The following ZNF503 variants were observed in gnomAD, a reference collection of about 807,000 sequenced individuals.
ZNF503 encodes NocA-like zinc finger 2.
ZNF503 carries 15 observed loss-of-function variants against 34.4 expected under a neutral mutation model. The ratio of observed to expected loss-of-function variants is 0.44; its 90% confidence interval spans 0.29 to 0.67. The LOEUF is 0.67. Ranked by LOEUF, ZNF503 falls within the 30% of genes least tolerant of loss-of-function variation. The pLI is 0.13. For missense variants in ZNF503, 1,007 were observed against 926.8 expected (o/e 1.09, Z -1.12); for synonymous variants, 580 against 456.8 (o/e 1.27, Z -3.44).
the ZNF503 span, among the ~76,000 whole-genome samples, chr10:75,326,641 A>G: frequency 6.7e-6 from 1 of 149,726 alleles, no homozygotes; most frequent in Non-Finnish European, 1.5e-5. Context: ...TAAAATGTTT[A>G]TTGTTTTATT....
At chr10:75,288,887 C>T in the ZNF503 span, among the ~76,000 whole-genome samples, 1 of 152,134 alleles carries the variant, frequency 6.6e-6, no homozygotes, top group Admixed American at 6.5e-5. Flanking sequence ...TTTCTGTGGT[C>T]TGCCTGCACC....
Position 75,400,078 on chromosome 10 carries a change from A to ACCCCCGCCGCCG in ZNF503, c.600_611dup (p.Gly201_Gly204dup), listed in dbSNP as rs781595571. 48 of 1,538,148 alleles carry ACCCCCGCCGCCG rather than the reference A, an allele frequency of 3.1e-5. No homozygotes were observed. The highest frequency in any genetic ancestry group is 4.3e-4 in the Middle Eastern group (2 of 4,648). ...GGAATCCCGACTTCTCCGACGAAAC[A>ACCCCCGCCGCCG]CCCCCGCCGCCGCCCCCGCCACCGC... On this transcript the variant is annotated inframe_insertion, in exon 2 of 2. Coordinates refer to ENST00000372524, the MANE Select transcript of ZNF503 (RefSeq NM_032772.6).
At position 75,401,129 on chromosome 10, in the gene ZNF503, A is replaced by C; in HGVS notation, c.291T>G (p.Pro97=). 1.2e-6 allele frequency: 2 copies of C among 1,613,300 alleles called. No individual in the cohort carries two copies. The highest frequency in any genetic ancestry group is 1.7e-6 in the Non-Finnish European group (2 of 1,179,696). The change falls in exon 1 of 2, where the codon CCT becomes CCG. Residue 97 remains proline, a synonymous_variant. Coordinates refer to ENST00000372524, the MANE Select transcript of ZNF503 (RefSeq NM_032772.6). ...ILHPEYLQPL[P]STPVSPIELD... ...CCTCGATGGGGCTGACCGGCGTGGA[A>C]GGCAGGGGCTGCAGGTACTCGGGGT...
In ZNF503 at chr10:75,399,195, G is replaced by C. The variant is rs149554773; in HGVS notation, c.1495C>G (p.Pro499Ala). The C allele has an allele frequency of 2.2e-5, 35 of 1,602,164 alleles. No homozygotes were observed. The highest frequency in any genetic ancestry group is 8.5e-6 in the Non-Finnish European group (10 of 1,172,874). The change falls in exon 2 of 2, where the codon CCC becomes GCC. Residue 499 changes from proline (P) to alanine (A), a missense_variant. Coordinates refer to ENST00000372524, the MANE Select transcript of ZNF503 (RefSeq NM_032772.6). ...GATPPSLAGH[P>A]LYPYGFMLPN... ...AGCATAAAGCCGTAGGGGTAGAGGG[G>C]GTGGCCGGCCAGGGAGGGCGGTGTG... is the stretch of plus-strand genomic sequence containing the variant.
At chr10:75,380,274 C>T in the ZNF503 span, among the ~76,000 whole-genome samples, 74 of 152,178 alleles carry the variant, frequency 4.9e-4, 1 homozygote, top group South Asian at 8.3e-4. Context: ...CTTCCAGGTC[C>T]CGTTCTCCCC....
At chr10:75,377,852 AG>A in the ZNF503 span, among the ~76,000 whole-genome samples, 1 of 152,128 alleles carries the variant, frequency 6.6e-6, no homozygotes, top group Non-Finnish European at 1.5e-5. Flanking sequence ...AAAGAAAAGG[AG>A]TTTTATTGGC....
the ZNF503 span, among the ~76,000 whole-genome samples, chr10:75,317,444 ATT>A: frequency 5.7e-5 from 8 of 140,304 alleles, no homozygotes; most frequent in Admixed American, 7.1e-5. Flanking sequence ...CACCTGGCTA[ATT>A]TTTTTTTTTT....
chr10:75,400,394 G>C lies in ZNF503; in HGVS notation c.316-20C>G, dbSNP rs541005429. 8.8e-6 allele frequency: 14 copies of C among 1,590,632 alleles called. No homozygotes were observed. The highest frequency in any genetic ancestry group is 4.5e-5 in the East Asian group (2 of 44,594). On this transcript the variant is annotated intron_variant, in intron 1 of 1. Transcript: ENST00000372524. ...ATCGAGCTGCGGGGTCAGACGATGG[G>C]GGGGGAGCGTCACACAGAGAAAGAA...
At chr10:75,396,144 G>C (rs1487494171), downstream of ZNF503, among the ~76,000 whole-genome samples, 3 of 152,168 alleles carry the variant, frequency 2.0e-5, no homozygotes, top group East Asian at 5.8e-4. This position sits in a 1 kb window ranked among gnomAD's most constrained non-coding sequence, Gnocchi z 4.4. Flanking sequence ...CCTCCCACCT[G>C]CAGGGCGGGG....
chr10:75,290,356 G>T, the ZNF503 span, among the ~76,000 whole-genome samples: 1 of 152,222 alleles, frequency 6.6e-6, no homozygotes, highest in Non-Finnish European at 1.5e-5. Context: ...TGGCTGGGCT[G>T]TGGGTCAGAT....
At chr10:75,392,675 A>AT in the ZNF503 span, among the ~76,000 whole-genome samples, 2 of 152,152 alleles carry the variant, frequency 1.3e-5, no homozygotes, top group African/African-American at 4.8e-5. Context: ...ATGAACCATG[A>AT]TTACAGGCAC....
At chr10:75,329,424 TTCC>T in the ZNF503 span, among the ~76,000 whole-genome samples, 4 of 102,300 alleles carry the variant, frequency 3.9e-5, no homozygotes, top group East Asian at 5.0e-4. Context: ...CTTTCCTTCC[TTCC>T]TTCCTTCCTT....
At chr10:75,334,509 G>A in the ZNF503 span, among the ~76,000 whole-genome samples, 1 of 152,300 alleles carries the variant, frequency 6.6e-6, no homozygotes, top group Admixed American at 6.5e-5. Context: ...TTATAGTGCA[G>A]ATTTGAGGCT....
At chr10:75,380,187 C>T in the ZNF503 span, among the ~76,000 whole-genome samples, 5 of 152,162 alleles carry the variant, frequency 3.3e-5, no homozygotes, top group Admixed American at 1.3e-4. Flanking sequence ...TGGAAGACTG[C>T]GGAGGCAGAT....
At chr10:75,373,845 T>G in the ZNF503 span, among the ~76,000 whole-genome samples, 10 of 152,224 alleles carry the variant, frequency 6.6e-5, no homozygotes, top group Admixed American at 1.3e-4. Flanking sequence ...CAGAGTTTCC[T>G]GCCCATCTCC....
chr10:75,340,471 A>AG, the ZNF503 span, among the ~76,000 whole-genome samples: 1 of 152,354 alleles, frequency 6.6e-6, no homozygotes, highest in East Asian at 1.9e-4. Context: ...GATATCCATG[A>AG]TAGTTTTGTT....
rs189219189 is a variant in ZNF503 at position 75,400,124 on chromosome 10, C to G, written c.566G>C (p.Gly189Ala). The G allele has an allele frequency of 7.3e-4, 1,133 of 1,549,532 alleles. 5 individuals are homozygous for G. In the African/African-American group the frequency reaches 0.012, roughly 17 times the overall value. The change falls in exon 2 of 2, where the codon GGA (glycine) becomes GCA (alanine). Residue 189 changes from glycine (G) to alanine (A), a missense_variant. By Grantham distance (60) the Gly-to-Ala change is moderately conservative. Transcript: ENST00000372524. ...ACCGCCACCGCCTCCACCGCCGCCTCCCGGCTCCTTCTTATCCGAGCCGGG... is the reference window on the plus strand; with the variant it reads ...ACCGCCACCGCCTCCACCGCCGCCTGCCGGCTCCTTCTTATCCGAGCCGGG... Reference protein sequence around the residue: ...SKPGSDKKEPGGGGGGGGGGG... With the variant: ...SKPGSDKKEPAGGGGGGGGGG...
chr10:75,317,281 T>C, the ZNF503 span, among the ~76,000 whole-genome samples: 1 of 139,950 alleles, frequency 7.1e-6, no homozygotes, highest in Non-Finnish European at 1.5e-5. Context: ...TTTTTTTTTT[T>C]TTTTTTTTTT....
the ZNF503 span, among the ~76,000 whole-genome samples, chr10:75,374,061 C>A: frequency 0.041 from 6,264 of 152,256 alleles, 385 homozygotes; most frequent in African/African-American, 0.13. Flanking sequence ...CGTCTGTGAC[C>A]CCAGCACTTC....
Sources: allele counts gnomAD v4.1 joint callset (sites outside exome capture counted in the v4.1 genomes callset), GRCh38; gene constraint gnomAD v4.1.1; non-coding constraint Gnocchi (gnomAD v3.1); transcripts MANE v1.5; gene names NCBI Gene and HGNC (gene_info 2026-07-23, HGNC 2026-07-21).